Variants in CHST15 observed in about 807,000 individuals in gnomAD.
CHST15 encodes B cell RAG associated protein (GALNAC4S-6ST).
A neutral mutation model predicts 53.6 loss-of-function variants in CHST15; 30 were observed. The observed-to-expected ratio is 0.56, with a 90% CI of 0.42 to 0.76. The LOEUF (loss-of-function observed/expected upper bound fraction) is 0.76, where lower values mean the gene tolerates loss of function less well. CHST15 is among the 30% of genes least tolerant of loss of function. The pLI is 0.00. For synonymous variants in CHST15, 296 were observed against 289.8 expected, an observed-to-expected ratio of 1.02 and a Z score of -0.22; for missense variants, 627 against 740.5, an observed-to-expected ratio of 0.85 and a Z score of 1.78.
Position 124,019,962 on chromosome 10 carries a change from C to T in CHST15, c.1347+1294G>A. On this transcript the variant is annotated intron_variant, in intron 6 of 7. Coordinates refer to ENST00000435907, the MANE Select transcript of CHST15 (RefSeq NM_001270764.2). The surrounding 1 kb of genome is among the most constrained non-coding windows in gnomAD (Gnocchi z 4.6). ...CTCAGTTCCCTGGCCAACTCTCCTTCAGGCCTCAGCACAGACATTCCCTCT... is the reference window on the plus strand; with the variant it reads ...CTCAGTTCCCTGGCCAACTCTCCTTTAGGCCTCAGCACAGACATTCCCTCT... 1.0e-6 allele frequency: 1 copy of T among 985,882 alleles called. No individual in the cohort carries two copies. Among genetic ancestry groups the T allele is most frequent in the Non-Finnish European group, 1.2e-6 (1 of 830,268 alleles). The allele number at this position is 985,882 out of a possible 1,614,324, so 61.1% of individuals were successfully genotyped here.
At chr10:124,012,601 T>G in intron 6 of CHST15, 121 bp from the exon 7 acceptor site, 1 of 1,146,842 alleles carries the variant, frequency 8.7e-7, no homozygotes, top group Non-Finnish European at 1.2e-6. Flanking sequence ...AAAGTTACTT[T>G]CAGAAGCTGG....
chr10:124,064,845 C>T (rs1590321029), intron 1 of CHST15, among the ~76,000 whole-genome samples: 1 of 152,174 alleles, frequency 6.6e-6, no homozygotes, highest in Non-Finnish European at 1.5e-5. Flanking sequence ...CCAGACCACA[C>T]TGGCCCTGCC....
intron 1 of CHST15, among the ~76,000 whole-genome samples, chr10:124,051,307 A>G (rs1948186804): frequency 6.6e-6 from 1 of 152,196 alleles, no homozygotes; most frequent in Non-Finnish European, 1.5e-5. Flanking sequence ...ATAGTTTACT[A>G]TGTATAACTA....
intron 1 of CHST15, among the ~76,000 whole-genome samples, chr10:124,073,552 G>C (rs931630109): frequency 6.6e-6 from 1 of 152,156 alleles, no homozygotes; most frequent in African/African-American, 2.4e-5. Context: ...GCTCTTTAAT[G>C]CATGAAGGTT....
In CHST15 at chr10:124,009,478, A is replaced by C; in HGVS notation, c.*671T>G. On this transcript the variant is annotated 3_prime_UTR_variant, in exon 8 of 8. Transcript: ENST00000435907. ...AACTGACTTATTTTTTTCCTTTTGG[A>C]AACAGTGACGTTAACAGGGTTTACA... The C allele has an allele frequency of 5.1e-6, 5 of 989,390 alleles. No homozygotes were observed. The highest frequency in any genetic ancestry group is 9.2e-5 in the South Asian group (2 of 21,658). 61.3% of individuals were successfully genotyped at this position (989,390 alleles called of 1,614,324 possible). A position where few individuals can be genotyped will look rare whatever the true frequency, so the allele number is the denominator to read the frequency against.
chr10:124,073,399 C>T (rs1159627037), intron 1 of CHST15, among the ~76,000 whole-genome samples: 1 of 152,186 alleles, frequency 6.6e-6, no homozygotes, highest in Non-Finnish European at 1.5e-5. Flanking sequence ...AGCAATTTCC[C>T]TTGCATGGGT....
intron 1 of CHST15, among the ~76,000 whole-genome samples, chr10:124,088,646 TC>T (rs1347973838): frequency 2.0e-5 from 3 of 152,120 alleles, no homozygotes; most frequent in African/African-American, 7.2e-5. Context: ...TTGGTGTGTG[TC>T]ATCTCCAACA....
At chr10:124,052,577 A>C (rs1402547266) in intron 1 of CHST15, among the ~76,000 whole-genome samples, 1 of 152,238 alleles carries the variant, frequency 6.6e-6, no homozygotes, top group African/African-American at 2.4e-5. Flanking sequence ...ACTGGAGTTA[A>C]GAGCCCGAGT....
At chr10:124,038,218 TGCCTCA>T (rs1477302170) in intron 5 of CHST15, among the ~76,000 whole-genome samples, 3 of 151,902 alleles carry the variant, frequency 2.0e-5, no homozygotes, top group Non-Finnish European at 4.4e-5. Flanking sequence ...GCGATTCTCC[TGCCTCA>T]GCCTCCCGAG....
intron 6 of CHST15, among the ~76,000 whole-genome samples, chr10:124,013,314 G>C (rs942192777): frequency 2.0e-5 from 3 of 152,172 alleles, no homozygotes; most frequent in African/African-American, 7.2e-5. Flanking sequence ...GTCAGCCACA[G>C]CATCTGCATG....
chr10:124,062,195 G>C (rs7095088), intron 1 of CHST15, among the ~76,000 whole-genome samples: 45,370 of 151,840 alleles, frequency 0.3, 6,976 homozygotes, highest in South Asian at 0.42. Context: ...GGAACTCCAG[G>C]TCCAAGAGCA....
Position 124,074,086 on chromosome 10 carries a change from T to C in CHST15, c.-513+19383A>G, listed in dbSNP as rs1949003853. On this transcript the variant is annotated intron_variant, in intron 1 of 7. Transcript: ENST00000435907. This position sits in a 1 kb window ranked among gnomAD's most constrained non-coding sequence, Gnocchi z 4.4. Reference sequence around the variant, plus strand: ...ACATAGTCTTTTTAGCCTCTTTCCATAGAAGACTTTCTCAGGACAGAAGTG... The same window carrying C: ...ACATAGTCTTTTTAGCCTCTTTCCACAGAAGACTTTCTCAGGACAGAAGTG... 6.6e-6 allele frequency among the ~76,000 whole-genome samples: 1 copy of C among 152,204 alleles called. No homozygotes were observed. Among genetic ancestry groups the C allele is most frequent in the Non-Finnish European group, 1.5e-5 (1 of 68,036 alleles).
intron 1 of CHST15, among the ~76,000 whole-genome samples, chr10:124,058,822 T>G (rs1208129810): frequency 6.6e-6 from 1 of 152,244 alleles, no homozygotes; most frequent in African/African-American, 2.4e-5. Context: ...GAGTTCTTAT[T>G]GCTGAGTCAC....
Position 124,045,659 on chromosome 10 carries a change from C to A in CHST15, c.546+8G>T, listed in dbSNP as rs765042709. 1 of 1,573,034 alleles carries A rather than the reference C, an allele frequency of 6.4e-7. No homozygotes were observed. The highest frequency in any genetic ancestry group is 1.8e-5 in the Admixed American group (1 of 54,164). On this transcript the variant is annotated splice_region_variant and intron_variant, in intron 2 of 7. Coordinates refer to ENST00000435907, the MANE Select transcript of CHST15 (RefSeq NM_001270764.2). ...CCAATCAGTCAAGATTAGCACAAAG[C>A]TACTCACATGCAACTCCTGCTTCTT...
intron 1 of CHST15, among the ~76,000 whole-genome samples, chr10:124,068,045 C>T (rs1948801936): frequency 6.6e-6 from 1 of 152,140 alleles, no homozygotes; most frequent in Admixed American, 6.5e-5. Context: ...TGTCAAACTA[C>T]CAGAAACTTT....
At chr10:124,020,152 T>C in intron 6 of CHST15, 4 of 985,466 alleles carry the variant, frequency 4.1e-6, no homozygotes, top group Non-Finnish European at 4.8e-6. Flanking sequence ...GGGGACATAG[T>C]GGCAAGAATG....
At chr10:124,080,072 G>T (rs1333052945) in intron 1 of CHST15, among the ~76,000 whole-genome samples, 1 of 152,186 alleles carries the variant, frequency 6.6e-6, no homozygotes, top group East Asian at 1.9e-4. Flanking sequence ...TTGGGGTTTT[G>T]CTTTGTTTTT....
chr10:124,061,529 C>T lies in CHST15; in HGVS notation c.-512-14805G>A, dbSNP rs114338396. Among the ~76,000 whole-genome samples, 1,165 of 152,284 alleles carry T rather than the reference C, an allele frequency of 7.7e-3. 16 individuals carry two copies. Among genetic ancestry groups the T allele is most frequent in the African/African-American group, 0.026 (1,076 of 41,546 alleles). On this transcript the variant is annotated intron_variant, in intron 1 of 7. Transcript: ENST00000435907. ...CACGTCTTTATCAGCAGCGTGAAAA[C>T]GGACTAATACACTCCCCACACAGTT...
At chr10:124,042,247 A>C in intron 4 of CHST15, 54 bp downstream of exon 4, 7 of 1,560,062 alleles carry the variant, frequency 4.5e-6, no homozygotes, top group Middle Eastern at 1.9e-4. Flanking sequence ...CTGGAGCCAG[A>C]GCCAGGACCC....
Sources: gnomAD v4.1 joint callset for allele counts (sites outside exome capture counted in the v4.1 genomes callset) on GRCh38, gnomAD v4.1.1 for gene constraint, Gnocchi (gnomAD v3.1) non-coding constraint, MANE v1.5 for transcripts, NCBI Gene and HGNC (gene_info 2026-07-23, HGNC 2026-07-21) for gene names.